The following SORCS2 variants were observed in gnomAD, a reference collection of about 807,000 sequenced individuals.
SORCS2 encodes the protein VPS10 domain-containing receptor SorCS2.
A neutral mutation model predicts 141.6 loss-of-function variants in SORCS2; 100 were observed. The ratio of observed to expected loss-of-function variants is 0.71; its 90% CI spans 0.60 to 0.83. The LOEUF is 0.83. Ranked by LOEUF, SORCS2 falls within the 40% of genes least tolerant of loss-of-function variation. SORCS2 has a pLI of 0.00. For synonymous variants in SORCS2, 789 were observed against 676.9 expected (o/e 1.17, Z -2.57); for missense variants, 1,646 against 1,560.2 (o/e 1.05, Z -0.93).
At chr4:7,725,611 A>G (rs1272824694) in intron 20 of SORCS2, among the ~76,000 whole-genome samples, 4 of 152,194 alleles carry the variant, frequency 2.6e-5, no homozygotes, top group African/African-American at 7.2e-5. Context: ...GCTCCCGGAA[A>G]GGAGAGAGCA....
At chr4:7,312,981 T>A (rs962128005) in intron 1 of SORCS2, among the ~76,000 whole-genome samples, 2 of 152,232 alleles carry the variant, frequency 1.3e-5, no homozygotes, top group Non-Finnish European at 2.9e-5. Context: ...GACCTGCTGA[T>A]CTTCCAAGGC....
chr4:7,676,969 C>G (rs1241259798), intron 9 of SORCS2, among the ~76,000 whole-genome samples: 12 of 122,722 alleles, frequency 9.8e-5, no homozygotes, highest in African/African-American at 1.5e-4. Context: ...TCTCTCCACC[C>G]CAGCCCCTTC....
At chr4:7,422,538 G>A (rs763812941) in intron 2 of SORCS2, among the ~76,000 whole-genome samples, 13 of 152,106 alleles carry the variant, frequency 8.5e-5, no homozygotes, top group Non-Finnish European at 1.5e-4. Context: ...CAGAGCTGGG[G>A]GCAGAGGTGG....
At chr4:7,591,785 C>T (rs1484439029) in intron 3 of SORCS2, among the ~76,000 whole-genome samples, 4 of 152,172 alleles carry the variant, frequency 2.6e-5, no homozygotes, top group Non-Finnish European at 5.9e-5. Context: ...CCTCTGACCC[C>T]GGCGGGCCTG....
chr4:7,398,524 C>A (rs1299090425), intron 2 of SORCS2, among the ~76,000 whole-genome samples: 1 of 152,186 alleles, frequency 6.6e-6, no homozygotes, highest in Admixed American at 6.5e-5. Context: ...TGTTTCTTCG[C>A]CTTTATTAAA....
intron 3 of SORCS2, among the ~76,000 whole-genome samples, chr4:7,538,523 T>C (rs949164083): frequency 6.6e-6 from 1 of 152,198 alleles, no homozygotes; most frequent in African/African-American, 2.4e-5. Flanking sequence ...GTGTTTTATA[T>C]GAAAAATTTA....
At chr4:7,461,703 C>G (rs915127681) in intron 2 of SORCS2, among the ~76,000 whole-genome samples, 1 of 152,214 alleles carries the variant, frequency 6.6e-6, no homozygotes, top group African/African-American at 2.4e-5. Context: ...CGGTCTGCAG[C>G]CATCCTCAGG....
At chr4:7,388,025 G>C (rs1577484765) in intron 1 of SORCS2, among the ~76,000 whole-genome samples, 1 of 101,186 alleles carries the variant, frequency 9.9e-6, no homozygotes, top group Non-Finnish European at 2.0e-5. Context: ...CAGATACACA[G>C]ATACGCACAC....
At chr4:7,447,962 A>C (rs1018104886) in intron 2 of SORCS2, among the ~76,000 whole-genome samples, 2 of 151,954 alleles carry the variant, frequency 1.3e-5, no homozygotes, top group Admixed American at 6.6e-5. Flanking sequence ...CTTCCCATCC[A>C]CGCCTGCTCG....
At chr4:7,392,796 GCTC>G (rs1405447504) in intron 1 of SORCS2, among the ~76,000 whole-genome samples, 8 of 152,098 alleles carry the variant, frequency 5.3e-5, no homozygotes, top group Non-Finnish European at 1.2e-4. Context: ...GGGCACAAGA[GCTC>G]CTGGCTCTGC....
At chr4:7,316,185 T>C (rs1394882808) in intron 1 of SORCS2, among the ~76,000 whole-genome samples, 6 of 151,696 alleles carry the variant, frequency 4.0e-5, no homozygotes, top group African/African-American at 1.5e-4. Flanking sequence ...CACCCATTCA[T>C]CCATCCACCC....
At chr4:7,655,582 C>G (rs1208357204) in intron 5 of SORCS2, among the ~76,000 whole-genome samples, 1 of 152,248 alleles carries the variant, frequency 6.6e-6, no homozygotes, top group Non-Finnish European at 1.5e-5. Context: ...ATGCCGATGG[C>G]TGGTGTACAC....
intron 1 of SORCS2, among the ~76,000 whole-genome samples, chr4:7,365,024 C>T (rs1234789068): frequency 6.6e-6 from 1 of 152,216 alleles, no homozygotes; most frequent in Non-Finnish European, 1.5e-5. Context: ...CATAGAGTTG[C>T]TGTCAGGCCC....
chr4:7,661,457 G>T (rs1722160117), intron 5 of SORCS2, 43 bp from the exon 6 acceptor site: 1 of 1,547,966 alleles, frequency 6.5e-7, no homozygotes, highest in Non-Finnish European at 8.7e-7. Flanking sequence ...GGACGGGCAT[G>T]GTGACTCCAT....
At position 7,740,309 on chromosome 4, in the gene SORCS2, C is replaced by G; in HGVS notation, c.*45C>G. On this transcript the variant is annotated 3_prime_UTR_variant, in exon 27 of 27. Transcript: ENST00000507866. ...TTTTCACCCACGGAGGGCACAGAAC[C>G]ACCAGCAAAGCCGGCGGCTGGACTG... is the stretch of plus-strand genomic sequence containing the variant. 5.1e-6 allele frequency: 8 copies of G among 1,575,796 alleles called. No individual in the cohort carries two copies. The highest frequency in any genetic ancestry group is 6.9e-6 in the Non-Finnish European group (8 of 1,154,924).
At chr4:7,391,864 G>A (rs549239235) in intron 1 of SORCS2, among the ~76,000 whole-genome samples, 1 of 152,288 alleles carries the variant, frequency 6.6e-6, no homozygotes, top group Non-Finnish European at 1.5e-5. Flanking sequence ...TGCAAGGGAG[G>A]TGGGTGCACA....
rs1337334811 is a variant in SORCS2 at position 7,233,364 on chromosome 4, C to T, written c.480+40238C>T. 2.0e-5 allele frequency among the ~76,000 whole-genome samples: 3 copies of T among 152,192 alleles called. No individual in the cohort carries two copies. Among genetic ancestry groups the T allele is most frequent in the African/African-American group, 7.2e-5 (3 of 41,444 alleles). ...ATGACGTCTCCTGGCCACCGCTGAG[C>T]ACCTGCTCCAGGGCAGACGTAGCCC... On this transcript the variant is annotated intron_variant, in intron 1 of 26. Coordinates refer to ENST00000507866, the MANE Select transcript of SORCS2 (RefSeq NM_020777.3). The surrounding 1 kb of genome is among the most constrained non-coding windows in gnomAD (Gnocchi z 4.5).
chr4:7,287,311 C>T (rs1443207794), intron 1 of SORCS2, among the ~76,000 whole-genome samples: 2 of 152,222 alleles, frequency 1.3e-5, no homozygotes, highest in African/African-American at 2.4e-5. Context: ...TCTGAGGCCC[C>T]CAGGCAGCTG....
At chr4:7,562,121 T>C (rs868136811) in intron 3 of SORCS2, among the ~76,000 whole-genome samples, 3 of 152,200 alleles carry the variant, frequency 2.0e-5, no homozygotes, top group African/African-American at 7.2e-5. Flanking sequence ...CCCAGTTAAT[T>C]GAACTTCTCG....
Sources: gnomAD v4.1 joint callset for allele counts (sites outside exome capture counted in the v4.1 genomes callset) on GRCh38, gnomAD v4.1.1 for gene constraint, Gnocchi (gnomAD v3.1) non-coding constraint, MANE v1.5 for transcripts, NCBI Gene and HGNC (gene_info 2026-07-23, HGNC 2026-07-21) for gene names.